Variants in LIAS observed in about 807,000 individuals in gnomAD.
LIAS encodes the protein lipoyl synthase, mitochondrial.
In LIAS, 36 loss-of-function variants were observed where a neutral mutation model predicts 49.4. That is an observed-to-expected ratio of 0.73 (90% CI 0.56 to 0.96). The LOEUF (loss-of-function observed/expected upper bound fraction) is 0.96, where lower values mean the gene tolerates loss of function less well. LIAS is among the 40% of genes least tolerant of loss of function. The pLI, the probability that LIAS is intolerant of heterozygous loss-of-function variation, is 0.00. For missense variants in LIAS, 399 were observed against 456.3 expected (o/e 0.87, Z 1.14); for synonymous variants, 145 against 155.8 (o/e 0.93, Z 0.52).
At chr4:39,460,377 C>CA (rs1280642750) in intron 1 of LIAS, among the ~76,000 whole-genome samples, 21 of 151,322 alleles carry the variant, frequency 1.4e-4, no homozygotes, top group Non-Finnish European at 1.9e-4. Flanking sequence ...ACTAAAAATA[C>CA]AAAAAAATTA....
intron 9 of LIAS, 80 bp downstream of exon 9, chr4:39,471,386 T>C: frequency 9.4e-7 from 1 of 1,064,722 alleles, no homozygotes; most frequent in African/African-American, 1.6e-5. Flanking sequence ...TGAGCTGGAG[T>C]GTAGTGGCAC....
At chr4:39,461,808 C>T (rs563024462) in intron 2 of LIAS, among the ~76,000 whole-genome samples, 3 of 152,326 alleles carry the variant, frequency 2.0e-5, no homozygotes, top group African/African-American at 7.2e-5. Context: ...GATTCTTCTG[C>T]CTAAGCCTCC....
chr4:39,459,219 A>G, intron 1 of LIAS, 57 bp downstream of exon 1: 2 of 1,510,030 alleles, frequency 1.3e-6, no homozygotes, highest in Non-Finnish European at 1.8e-6. Context: ...ATCCCTTCAG[A>G]GCGCCCATGC....
chr4:39,470,528 TAG>T (rs1744941859), intron 8 of LIAS: 2 of 193,164 alleles, frequency 1.0e-5, no homozygotes, highest in Admixed American at 1.1e-4. Context: ...TGACAGTTCA[TAG>T]ATCAATGAGA....
chr4:39,468,997 G>A (rs896069282), intron 7 of LIAS: 1 of 151,930 alleles, frequency 6.6e-6, no homozygotes, highest in African/African-American at 2.4e-5. Context: ...TAACACTGAT[G>A]TAAGAAAAAA....
At chr4:39,473,028 CATAGGT>C in intron 9 of LIAS, 66 bp from the exon 10 acceptor site, 1 of 875,208 alleles carries the variant, frequency 1.1e-6, no homozygotes, top group Non-Finnish European at 1.9e-6. Flanking sequence ...ATTCTGCATA[CATAGGT>C]ATAGACTTTC....
intron 7 of LIAS, chr4:39,468,856 A>C (rs2109881234): frequency 6.9e-6 from 1 of 144,164 alleles, no homozygotes; most frequent in Admixed American, 7.2e-5. Context: ...CCTGGGCGAC[A>C]GCAAAACTTT....
intron 10 of LIAS, chr4:39,476,080 C>A (rs1745184517): frequency 6.6e-6 from 1 of 152,096 alleles, no homozygotes; most frequent in Admixed American, 6.5e-5. Flanking sequence ...CTATCAGCTT[C>A]TAGAATGGTT....
At chr4:39,473,874 T>C (rs1745082973) in intron 10 of LIAS, 1 of 152,208 alleles carries the variant, frequency 6.6e-6, no homozygotes, top group Admixed American at 6.5e-5. Context: ...ATAATGATTG[T>C]CGGAGGATCC....
At chr4:39,475,743 G>C (rs1470761766) in intron 10 of LIAS, 2 of 152,408 alleles carry the variant, frequency 1.3e-5, no homozygotes, top group East Asian at 3.9e-4. Context: ...GCTGGGTGGT[G>C]GTGGGCACCT....
chr4:39,460,654 A>G, intron 1 of LIAS, 136 bp from the exon 2 acceptor site: 1 of 633,386 alleles, frequency 1.6e-6, no homozygotes, highest in Non-Finnish European at 2.7e-6. Flanking sequence ...ATGCCCTAGA[A>G]TACTAGAGCT....
Position 39,465,276 on chromosome 4 carries a change from T to A in LIAS, c.551-9T>A, listed in dbSNP as rs1560668306. Reference sequence around the variant, plus strand: ...CATCATCCTGAGCAGTGGATTCTTTTGTTTCTAGATATGCCTGATGGGGGA... The same window carrying A: ...CATCATCCTGAGCAGTGGATTCTTTAGTTTCTAGATATGCCTGATGGGGGA... On this transcript the variant is annotated splice_polypyrimidine_tract_variant and intron_variant, in intron 5 of 10. Transcript: ENST00000640888. 6.2e-7 allele frequency: 1 copy of A among 1,613,002 alleles called. No homozygotes were observed. Among genetic ancestry groups the A allele is most frequent in the Non-Finnish European group, 8.5e-7 (1 of 1,179,664 alleles).
Position 39,465,160 on chromosome 4 carries a change from T to C in LIAS, c.508T>C (p.Trp170Arg). The C allele has an allele frequency of 6.2e-7, 1 of 1,614,212 alleles. No individual in the cohort carries two copies. Among genetic ancestry groups the C allele is most frequent in the African/African-American group, 1.3e-5 (1 of 75,060 alleles). The change falls in exon 5 of 11, where the codon TGG (tryptophan) becomes CGG (arginine). Residue 170 changes from tryptophan to arginine, a missense_variant. Trp to Arg is a moderately radical substitution (Grantham distance 101). This residue lies in a region of LIAS where 234 missense variants were observed against 292.2 expected (regional missense o/e 0.80). Coordinates refer to ENST00000640888, the MANE Select transcript of LIAS (RefSeq NM_006859.4). ...CAATACTGCAAAGGCAATTGCAGAA[T>C]GGGGTCTGGATTATGTTGTCCTGAC... ...PYNTAKAIAE[W>R]GLDYVVLTSV...
At chr4:39,459,325 GC>G in intron 1 of LIAS, 163 bp downstream of exon 1, 1 of 641,572 alleles carries the variant, frequency 1.6e-6, no homozygotes, top group Non-Finnish European at 2.7e-6. Flanking sequence ...TATCCCGCCA[GC>G]CCCATGATAT....
Position 39,472,124 on chromosome 4 carries a change from TACACAC to T in LIAS, c.954+836_954+841del, listed in dbSNP as rs150010225. 5.3e-3 allele frequency among the ~76,000 whole-genome samples: 790 copies of T among 150,246 alleles called. 9 individuals are homozygous for T. Among genetic ancestry groups the T allele is most frequent in the African/African-American group, 0.018 (735 of 40,738 alleles). The stretch of plus-strand genomic sequence containing the variant: ...ATATCTGTATATACACACACACATA[TACACAC>T]ACACACACACACACACATATATACA... On this transcript the variant is annotated intron_variant, in intron 9 of 10. Coordinates refer to ENST00000640888, the MANE Select transcript of LIAS (RefSeq NM_006859.4).
intron 3 of LIAS, 46 bp from the exon 4 acceptor site, chr4:39,463,479 G>A: frequency 1.3e-6 from 2 of 1,519,144 alleles, no homozygotes; most frequent in South Asian, 1.3e-5. Context: ...TGTTTAGTTG[G>A]TGGATATTGT....
intron 3 of LIAS, among the ~76,000 whole-genome samples, chr4:39,462,497 CTTTG>C (rs1322208616): frequency 6.6e-6 from 1 of 151,980 alleles, no homozygotes; most frequent in Non-Finnish European, 1.5e-5. Flanking sequence ...GGAAACAAGG[CTTTG>C]TTTGTTTTAT....
At chr4:39,473,064 T>G in intron 9 of LIAS, 36 bp from the exon 10 acceptor site, 2 of 1,248,676 alleles carry the variant, frequency 1.6e-6, no homozygotes, top group Non-Finnish European at 2.4e-6. Context: ...AAAGTGGAAT[T>G]CTAAAATCTG....
intron 4 of LIAS, chr4:39,463,919 T>C (rs1256260782): frequency 3.8e-6 from 1 of 260,060 alleles, no homozygotes; most frequent in Non-Finnish European, 7.0e-6. Flanking sequence ...CTGTTTAACA[T>C]ATTCAACAAG....
Sources: allele counts gnomAD v4.1 joint callset (sites outside exome capture counted in the v4.1 genomes callset), GRCh38; gene constraint gnomAD v4.1.1; regional missense constraint gnomAD v4.1.1; transcripts MANE v1.5; gene names NCBI Gene and HGNC (gene_info 2026-07-23, HGNC 2026-07-21).